The following PRRT3 variants were observed in gnomAD, a reference collection of about 807,000 sequenced individuals.
The protein encoded by PRRT3 is proline-rich transmembrane protein 3.
A neutral mutation model predicts 56.6 loss-of-function variants in PRRT3; 48 were observed. The observed-to-expected ratio is 0.85, with a 90% CI of 0.67 to 1.08. PRRT3 has a LOEUF of 1.08. PRRT3 is among the 50% of genes least tolerant of loss of function. PRRT3 has a pLI of 0.00. For synonymous variants in PRRT3, 641 were observed against 619.1 expected, an observed-to-expected ratio of 1.04 and a Z score of -0.52; for missense variants, 1,370 against 1,353.1, an observed-to-expected ratio of 1.01 and a Z score of -0.20.
chr3:9,949,552 C>T lies in PRRT3; in HGVS notation c.564G>A (p.Leu188=), dbSNP rs768874858. 8 of 1,614,084 alleles carry T rather than the reference C, an allele frequency of 5.0e-6. No individual in the cohort carries two copies. The highest frequency in any genetic ancestry group is 5.9e-6 in the Non-Finnish European group (7 of 1,180,038). Residue 188 remains leucine, a synonymous_variant, in exon 2 of 4, where the codon CTG becomes CTA. Transcript: ENST00000412055. The surrounding 1 kb of genome is among the most constrained non-coding windows in gnomAD (Gnocchi z 4.5). ...EGQWPPRDEG[L]KAKTKSRVPP... is the part of the protein sequence containing the mutation. ...GGACCCTGCTCTTAGTTTTGGCCTT[C>T]AGACCCTCATCTCTAGGTGGCCACT...
Position 9,946,917 on chromosome 3 carries a change from C to T in PRRT3, c.2256G>A (p.Lys752=). 6.5e-7 allele frequency: 1 copy of T among 1,540,144 alleles called. No individual in the cohort carries two copies. The highest frequency in any genetic ancestry group is 8.7e-7 in the Non-Finnish European group (1 of 1,148,434). The part of the protein sequence containing the change: ...NVGAGSLDIS[K]SLIRNPAESG... ...TCTCCGCCGGGTTGCGGATGAGGCTCTTGCTGATGTCCAAGCTGCCTGCAC... is the reference window on the plus strand; with the variant it reads ...TCTCCGCCGGGTTGCGGATGAGGCTTTTGCTGATGTCCAAGCTGCCTGCAC... The change falls in exon 4 of 4, where the codon AAG becomes AAA. Residue 752 remains lysine, a synonymous_variant. Transcript: ENST00000412055. The surrounding 1 kb of genome is among the most constrained non-coding windows in gnomAD (Gnocchi z 4.1).
chr3:9,950,146 C>T lies in PRRT3; in HGVS notation c.-31G>A, dbSNP rs920464054. The T allele has an allele frequency of 7.2e-7, 1 of 1,396,624 alleles. No homozygotes were observed. The highest frequency in any genetic ancestry group is 9.3e-7 in the Non-Finnish European group (1 of 1,069,994). 86.5% of individuals were successfully genotyped at this position (1,396,624 alleles called of 1,614,324 possible). A position where few individuals can be genotyped will look rare whatever the true frequency, so the allele number is the denominator to read the frequency against. ...ACTCCGATGCCTGGGCCTAAAGCCC[C>T]CACCTTCCAGTCCTCACTGGATGAG... On this transcript the variant is annotated 5_prime_UTR_variant, in exon 2 of 4. It introduces an in-frame stop codon into an upstream open reading frame of the 5' UTR. Transcript: ENST00000412055.
rs1396240368 is a variant in PRRT3, at chr3:9,946,351, A to G, written c.2822T>C (p.Leu941Pro). 10 of 1,611,742 alleles carry G rather than the reference A, an allele frequency of 6.2e-6. No homozygotes were observed. The highest frequency in any genetic ancestry group is 8.5e-6 in the Non-Finnish European group (10 of 1,179,368). Residue 941 changes from leucine to proline, a missense_variant, in exon 4 of 4, where the codon CTG (leucine) becomes CCG (proline). Leu to Pro is a moderately conservative substitution (Grantham distance 98, BLOSUM62 -3). Coordinates refer to ENST00000412055, the MANE Select transcript of PRRT3 (RefSeq NM_207351.5). This position sits in a 1 kb window ranked among gnomAD's most constrained non-coding sequence, Gnocchi z 4.1. ...ATCAGGGGCTGGGGTCGGGGCAGGC[A>G]GTAGCTGTACCGTGCTGGGCAACTC... is the stretch of plus-strand genomic sequence containing the variant. ...LDELPSTVQL[L>P]PAPTPAPDST...
In PRRT3 at chr3:9,946,804, C is replaced by T. The variant is rs981726153; in HGVS notation, c.2369G>A (p.Arg790His). The T allele has an allele frequency of 3.2e-6, 5 of 1,548,494 alleles. No homozygotes were observed. The highest frequency in any genetic ancestry group is 8.7e-7 in the Non-Finnish European group (1 of 1,154,584). ...CGATGGCGCCGGTCCCACACCGTTG[C>T]GGGACAGTCCCGGGCCACCCTGGGG... ...RGPQGGPGLS[R>H]NGVGPAPSLS... Residue 790 changes from arginine to histidine, a missense_variant, in exon 4 of 4, where the codon CGC becomes CAC. Physicochemically the swap from Arg to His is conservative, Grantham distance 29 (BLOSUM62 0). Coordinates refer to ENST00000412055, the MANE Select transcript of PRRT3 (RefSeq NM_207351.5). This position sits in a 1 kb window ranked among gnomAD's most constrained non-coding sequence, Gnocchi z 4.1.
chr3:9,947,257 A>G lies in PRRT3; in HGVS notation c.1916T>C (p.Leu639Pro), dbSNP rs1441090255. ...CCCCAGCGCGCCCGCCACAGCCAACAGCCGAGGGCCCGGGCTGGCATCCCA... is the reference window on the plus strand; with the variant it reads ...CCCCAGCGCGCCCGCCACAGCCAACGGCCGAGGGCCCGGGCTGGCATCCCA... The part of the protein sequence containing the change: ...RGWDASPGPR[L>P]LAVAGALGLL... The change falls in exon 4 of 4, where the codon CTG becomes CCG. Residue 639 changes from leucine (L) to proline (P), a missense_variant. Leu to Pro is a moderately conservative substitution (Grantham distance 98, BLOSUM62 -3). Transcript: ENST00000412055. This position sits in a 1 kb window ranked among gnomAD's most constrained non-coding sequence, Gnocchi z 9.2. The G allele has an allele frequency of 2.0e-6, 3 of 1,506,344 alleles. No individual in the cohort carries two copies. Among genetic ancestry groups the G allele is most frequent in the Non-Finnish European group, 2.6e-6 (3 of 1,135,766 alleles). The allele number at this position is 1,506,344 out of a possible 1,614,324, so 93.3% of individuals were successfully genotyped here. A position where few individuals can be genotyped will look rare whatever the true frequency, so the allele number is the denominator to read the frequency against.
At chr3:9,950,847 G>A (rs1313600097) in intron 1 of PRRT3, among the ~76,000 whole-genome samples, 5 of 152,216 alleles carry the variant, frequency 3.3e-5, no homozygotes, top group Non-Finnish European at 5.9e-5. Context: ...GAGAGACGTG[G>A]AGAGGGAGAG....
rs748810884 is a variant in PRRT3, at chr3:9,946,606, G to A, written c.2567C>T (p.Pro856Leu). The A allele has an allele frequency of 6.4e-6, 9 of 1,399,606 alleles. No homozygotes were observed. The highest frequency in any genetic ancestry group is 7.4e-6 in the Non-Finnish European group (8 of 1,084,678). The allele number at this position is 1,399,606 out of a possible 1,614,324, so 86.7% of individuals were successfully genotyped here. ...GALRPRRGSH[P>L]KAELDDAGSS... ...GCCAGCGTCGTCGAGCTCGGCTTTG[G>A]GATGGCTGCCCCGGCGCGGCCGCAG... is the stretch of plus-strand genomic sequence containing the variant. Residue 856 changes from proline to leucine, a missense_variant, in exon 4 of 4, where the codon CCC becomes CTC. Pro to Leu is a moderately conservative substitution (Grantham distance 98, BLOSUM62 -3). Transcript: ENST00000412055. This position sits in a 1 kb window ranked among gnomAD's most constrained non-coding sequence, Gnocchi z 4.1.
chr3:9,948,208 A>AT, intron 3 of PRRT3: 1 of 427,488 alleles, frequency 2.3e-6, no homozygotes, highest in Non-Finnish European at 3.9e-6. Flanking sequence ...GTCAGCTATC[A>AT]TTTTCATTAA....
chr3:9,951,746 C>A (rs11718177), intron 1 of PRRT3, among the ~76,000 whole-genome samples: 11,016 of 152,220 alleles, frequency 0.072, 540 homozygotes, highest in Middle Eastern at 0.18. Context: ...TCCGCCCTCC[C>A]AATACAAGGT....
In PRRT3 at chr3:9,947,531, G is replaced by A. The variant is rs1249479626; in HGVS notation, c.1642C>T (p.Leu548=). 2 of 1,611,620 alleles carry A rather than the reference G, an allele frequency of 1.2e-6. No homozygotes were observed. Among genetic ancestry groups the A allele is most frequent in the Non-Finnish European group, 1.7e-6 (2 of 1,179,496 alleles). ...GTCAGGGCTGCCAGCGCCGTAAGCA[G>A]CAAGGGGAAGGGCAGGTTGTAGAGC... is the stretch of plus-strand genomic sequence containing the variant. The part of the protein sequence containing the change: ...LVLYNLPFPL[L]LTALAALTLL... Residue 548 remains leucine, a synonymous_variant, in exon 4 of 4, where the codon CTG becomes TTG. Coordinates refer to ENST00000412055, the MANE Select transcript of PRRT3 (RefSeq NM_207351.5). This position sits in a 1 kb window ranked among gnomAD's most constrained non-coding sequence, Gnocchi z 9.2.
At position 9,947,563 on chromosome 3, in the gene PRRT3, C is replaced by T; in HGVS notation, c.1610G>A (p.Gly537Asp). Reference protein sequence around the residue: ...GSQARLGVRGGLVLYNLPFPL... With the variant: ...GSQARLGVRGDLVLYNLPFPL... ...GAAGGGCAGGTTGTAGAGCACCAGGCCCCCGCGAACGCCCAGCCGCGCCTG... is the reference window on the plus strand; with the variant it reads ...GAAGGGCAGGTTGTAGAGCACCAGGTCCCCGCGAACGCCCAGCCGCGCCTG... The change falls in exon 4 of 4, where the codon GGC (glycine) becomes GAC (aspartate). Residue 537 changes from glycine (G) to aspartate (D), a missense_variant. Transcript: ENST00000412055. The surrounding 1 kb of genome is among the most constrained non-coding windows in gnomAD (Gnocchi z 9.2). 6.2e-7 allele frequency: 1 copy of T among 1,606,304 alleles called. No individual in the cohort carries two copies. The highest frequency in any genetic ancestry group is 1.1e-5 in the South Asian group (1 of 90,542).
Position 9,946,151 on chromosome 3 carries a change from TA to T in PRRT3, c.*75del. The T allele has an allele frequency of 6.6e-7, 1 of 1,508,362 alleles. No homozygotes were observed. The highest frequency in any genetic ancestry group is 1.4e-5 in the African/African-American group (1 of 70,698). The allele number at this position is 1,508,362 out of a possible 1,614,324, so 93.4% of individuals were successfully genotyped here. On this transcript the variant is annotated 3_prime_UTR_variant, in exon 4 of 4. Coordinates refer to ENST00000412055, the MANE Select transcript of PRRT3 (RefSeq NM_207351.5). The surrounding 1 kb of genome is among the most constrained non-coding windows in gnomAD (Gnocchi z 4.1). ...GCGCCTGGCCAGGATGCCCATTTTT[TA>T]AAGGCTCAACTGTCCCAGTAGGCCA...
chr3:9,948,464 C>T, intron 3 of PRRT3: 1 of 478,276 alleles, frequency 2.1e-6, no homozygotes, highest in Non-Finnish European at 3.6e-6. Flanking sequence ...ATAGCTGGGA[C>T]TACAGGTATG....
At chr3:9,948,255 C>G in intron 3 of PRRT3, 1 of 384,220 alleles carries the variant, frequency 2.6e-6, no homozygotes, top group Non-Finnish European at 4.6e-6. Flanking sequence ...AGCAGTTCGA[C>G]ACATGGGCTG....
Position 9,947,142 on chromosome 3 carries a change from A to T in PRRT3, c.2031T>A (p.Gly677=). 2 of 1,537,792 alleles carry T rather than the reference A, an allele frequency of 1.3e-6. No individual in the cohort carries two copies. Among genetic ancestry groups the T allele is most frequent in the Non-Finnish European group, 8.7e-7 (1 of 1,147,658 alleles). Residue 677 remains glycine, a synonymous_variant, in exon 4 of 4, where the codon GGT becomes GGA. Coordinates refer to ENST00000412055, the MANE Select transcript of PRRT3 (RefSeq NM_207351.5). The surrounding 1 kb of genome is among the most constrained non-coding windows in gnomAD (Gnocchi z 9.2). ...RVGRFSWAWW[G]VHFWLRLLEL... is the part of the protein sequence containing the mutation. ...CCAGGAGGCGCAGCCAGAAGTGGAC[A>T]CCCCACCAGGCCCACGAGAAGCGGC...
intron 1 of PRRT3, among the ~76,000 whole-genome samples, chr3:9,951,399 C>T (rs1259811373): frequency 2.0e-5 from 3 of 152,208 alleles, no homozygotes; most frequent in Non-Finnish European, 2.9e-5. Context: ...TAAGAAGCCA[C>T]TGAAAACCCC....
rs543577967 is a variant in PRRT3 at position 9,948,901 on chromosome 3, A to G, written c.1028T>C (p.Met343Thr). The change falls in exon 3 of 4, where the codon ATG (methionine) becomes ACG (threonine). Residue 343 changes from methionine to threonine, a missense_variant. Transcript: ENST00000412055. The stretch of plus-strand genomic sequence containing the variant: ...GGGGGAGATGGGGTCTGCTCCATTC[A>G]TTGCTGCTCTCTCTGAAATGACAAA... ...DRPSKPERAAMNGADPISPQR... is the reference protein window; with the variant it reads ...DRPSKPERAATNGADPISPQR... 6 of 1,577,770 alleles carry G rather than the reference A, an allele frequency of 3.8e-6. No homozygotes were observed. In the South Asian group the frequency reaches 6.8e-5, roughly 18 times the overall value.
chr3:9,951,873 T>A (rs934519476), intron 1 of PRRT3, among the ~76,000 whole-genome samples: 1 of 152,196 alleles, frequency 6.6e-6, no homozygotes, highest in Non-Finnish European at 1.5e-5. Flanking sequence ...CGGAGGCTCA[T>A]CTTCCACAGG....
Position 9,949,087 on chromosome 3 carries a change from T to G in PRRT3, c.1015+14A>C, listed in dbSNP as rs2085576373. 3 of 1,581,894 alleles carry G rather than the reference T, an allele frequency of 1.9e-6. No individual in the cohort carries two copies. Among genetic ancestry groups the G allele is most frequent in the Non-Finnish European group, 2.6e-6 (3 of 1,168,798 alleles). Reference sequence around the variant, plus strand: ...TGCCCCAGAACATCGCTCAGCACACTCATTGATACCCACCTGGCTTAGACG... The same window carrying G: ...TGCCCCAGAACATCGCTCAGCACACGCATTGATACCCACCTGGCTTAGACG... On this transcript the variant is annotated intron_variant, in intron 2 of 3. Transcript: ENST00000412055. The surrounding 1 kb of genome is among the most constrained non-coding windows in gnomAD (Gnocchi z 4.5).
Sources: allele counts gnomAD v4.1 joint callset (sites outside exome capture counted in the v4.1 genomes callset), GRCh38; gene constraint gnomAD v4.1.1; non-coding constraint Gnocchi (gnomAD v3.1); transcripts MANE v1.5; gene names NCBI Gene and HGNC (gene_info 2026-07-23, HGNC 2026-07-21).